The following PLEKHB2 variants were observed in gnomAD, a reference collection of about 807,000 sequenced individuals.
PLEKHB2 encodes the protein pleckstrin homology domain-containing family B member 2.
PLEKHB2 carries 31 observed loss-of-function variants against 36.5 expected under a neutral mutation model. That is an observed-to-expected ratio of 0.85 (90% CI 0.64 to 1.15). PLEKHB2 has a LOEUF of 1.15. Ranked by LOEUF, PLEKHB2 falls within the 50% of genes most tolerant of loss-of-function variation. The pLI is 0.00. For synonymous variants in PLEKHB2, 119 were observed against 112.0 expected (o/e 1.06, Z -0.39); for missense variants, 262 against 295.3 (o/e 0.89, Z 0.83).
chr2:131,121,081 A>G (rs1696466125), intron 2 of PLEKHB2, 103 bp downstream of exon 2: 2 of 1,072,186 alleles, frequency 1.9e-6, no homozygotes, highest in South Asian at 1.5e-5. Context: ...ACAAAGTTTT[A>G]TGAGTGCTAT....
In PLEKHB2 at chr2:131,125,803, G is replaced by A; in HGVS notation, c.88G>A (p.Gly30Ser). 2 of 1,613,366 alleles carry A rather than the reference G, an allele frequency of 1.2e-6. No individual in the cohort carries two copies. The highest frequency in any genetic ancestry group is 2.2e-5 in the South Asian group (2 of 91,050). ...GAACTGGTTTGATCTGTGGTCGGATGGTCACCTGATCTATTATGATGACCA... is the reference window on the plus strand; with the variant it reads ...GAACTGGTTTGATCTGTGGTCGGATAGTCACCTGATCTATTATGATGACCA... Reference protein sequence around the residue: ...KKNWFDLWSDGHLIYYDDQTR... With the variant: ...KKNWFDLWSDSHLIYYDDQTR... Residue 30 changes from glycine to serine, a missense_variant, in exon 3 of 8, where the codon GGT becomes AGT. Physicochemically the swap from Gly to Ser is moderately conservative, Grantham distance 56. Coordinates refer to ENST00000693505, the MANE Select transcript of PLEKHB2 (RefSeq NM_001100623.2).
chr2:131,124,487 AG>A (rs1185133972), intron 2 of PLEKHB2, among the ~76,000 whole-genome samples: 1 of 152,228 alleles, frequency 6.6e-6, no homozygotes, highest in African/African-American at 2.4e-5. Flanking sequence ...CATGCAGTCA[AG>A]GAAATTACTG....
chr2:131,108,457 A>G (rs1488833573), intron 1 of PLEKHB2, among the ~76,000 whole-genome samples: 1 of 152,138 alleles, frequency 6.6e-6, no homozygotes, highest in African/African-American at 2.4e-5. Context: ...AGTGGTGTGA[A>G]ATTCAGCATG....
intron 6 of PLEKHB2, among the ~76,000 whole-genome samples, chr2:131,137,167 TCG>T (rs1698349776): frequency 6.7e-6 from 1 of 149,122 alleles, no homozygotes; most frequent in African/African-American, 2.6e-5. Context: ...CAGGACGGTC[TCG>T]ATCTCCTGAC....
chr2:131,136,944 CTTTCTTTT>C (rs1573614405), intron 6 of PLEKHB2, among the ~76,000 whole-genome samples: 1 of 146,536 alleles, frequency 6.8e-6, no homozygotes, highest in African/African-American at 2.6e-5. Flanking sequence ...TCTTTCTTTT[CTTTCTTTT>C]TTTTTTTTTT....
chr2:131,134,540 A>C (rs1009130513), intron 6 of PLEKHB2, among the ~76,000 whole-genome samples: 9 of 152,112 alleles, frequency 5.9e-5, no homozygotes, highest in South Asian at 2.1e-4. Flanking sequence ...TGTTGAGTGT[A>C]TCTCTTTCTG....
intron 2 of PLEKHB2, among the ~76,000 whole-genome samples, chr2:131,123,678 C>T (rs1696759424): frequency 1.3e-5 from 2 of 151,522 alleles, no homozygotes; most frequent in African/African-American, 4.9e-5. Context: ...GTGTGCGCCA[C>T]CATGCCAGGC....
At chr2:131,119,258 A>C (rs1183419128) in intron 1 of PLEKHB2, among the ~76,000 whole-genome samples, 2 of 148,964 alleles carry the variant, frequency 1.3e-5, no homozygotes, top group Non-Finnish European at 3.0e-5. Context: ...TCCATCTCAC[A>C]AAAAAAAAAG....
chr2:131,105,514 C>G (rs2104741166), intron 1 of PLEKHB2, 116 bp downstream of exon 1: 1 of 153,576 alleles, frequency 6.5e-6, no homozygotes, highest in East Asian at 1.9e-4. Flanking sequence ...GACCCCGCAC[C>G]GCGCCACCTC....
rs921595114 is a variant in PLEKHB2, at chr2:131,133,406, A to G, written c.423+415A>G. ...CTCTTGTTGGGGTGCTGACTGAGCTAGTGGAACGTATGTAAGTCTGTTGTG... is the reference window on the plus strand; with the variant it reads ...CTCTTGTTGGGGTGCTGACTGAGCTGGTGGAACGTATGTAAGTCTGTTGTG... On this transcript the variant is annotated intron_variant, in intron 6 of 7. Transcript: ENST00000693505. Among the ~76,000 whole-genome samples, 4 of 152,372 alleles carry G rather than the reference A, an allele frequency of 2.6e-5. No individual in the cohort carries two copies. In the South Asian group the frequency reaches 8.3e-4, roughly 32 times the overall value.
intron 1 of PLEKHB2, chr2:131,120,613 A>G (rs1696404949): frequency 5.0e-6 from 2 of 399,210 alleles, no homozygotes; most frequent in Non-Finnish European, 9.4e-6. Flanking sequence ...CCAGCAAGCC[A>G]CGAGAATCCC....
At position 131,126,914 on chromosome 2, in the gene PLEKHB2, T is replaced by C. The variant is rs960052778; in HGVS notation, c.293+128T>C. ...ATCAGAATAAGGGACTCAGTGGATG[T>C]ATGAGAGAAATGCAAGAGTCGCTTT... On this transcript the variant is annotated intron_variant, in intron 4 of 7. Transcript: ENST00000693505. The C allele has an allele frequency of 6.4e-6, 4 of 621,038 alleles. 1 individual carries two copies. Among genetic ancestry groups the C allele is most frequent in the Middle Eastern group, 8.1e-4 (2 of 2,484 alleles). 38.5% of individuals were successfully genotyped at this position (621,038 alleles called of 1,614,324 possible). A position where few individuals can be genotyped will look rare whatever the true frequency, so the allele number is the denominator to read the frequency against.
In PLEKHB2 at chr2:131,126,687, C is replaced by CATCCA; in HGVS notation, c.194_195insATCCA (p.Gln66SerfsTer56). The CATCCA allele has an allele frequency of 6.3e-7, 1 of 1,590,244 alleles. No homozygotes were observed. Among genetic ancestry groups the CATCCA allele is most frequent in the Non-Finnish European group, 8.6e-7 (1 of 1,158,574 alleles). On this transcript the variant is annotated frameshift_variant, in exon 4 of 8. Transcript: ENST00000693505. LOFTEE classifies it high-confidence loss of function. ...TTATTCTGCTTATTTTTCATAGATACTCAGCCCCCGGATGGAAAGTCAAAA... is the reference window on the plus strand; with the variant it reads ...TTATTCTGCTTATTTTTCATAGATACATCCATCAGCCCCCGGATGGAAAGTCAAAA...
rs1381013982 is a variant in PLEKHB2 at position 131,137,438 on chromosome 2, A to G, written c.424-2729A>G. ...CCACCGCAGATACAGCTTTCTTATT[A>G]GTGACTGGTCTACTCAAATTCTCTA... On this transcript the variant is annotated intron_variant, in intron 6 of 7. Coordinates refer to ENST00000693505, the MANE Select transcript of PLEKHB2 (RefSeq NM_001100623.2). 2.6e-5 allele frequency among the ~76,000 whole-genome samples: 4 copies of G among 152,116 alleles called. No individual in the cohort carries two copies. The East Asian group carries it at 5.8e-4, about 22-fold the overall frequency.
At chr2:131,135,370 GC>G (rs1259134598) in intron 6 of PLEKHB2, among the ~76,000 whole-genome samples, 38 of 152,198 alleles carry the variant, frequency 2.5e-4, no homozygotes, top group Middle Eastern at 6.8e-3. Flanking sequence ...CCTGGTCGGC[GC>G]CTGTAAACTT....
At chr2:131,121,554 T>G (rs1559066846) in intron 2 of PLEKHB2, among the ~76,000 whole-genome samples, 2 of 152,068 alleles carry the variant, frequency 1.3e-5, no homozygotes, top group African/African-American at 2.4e-5. Flanking sequence ...GCTGCGTGCT[T>G]TATTATTAAT....
At chr2:131,130,408 T>C (rs558497016) in intron 4 of PLEKHB2, among the ~76,000 whole-genome samples, 111 of 152,276 alleles carry the variant, frequency 7.3e-4, no homozygotes, top group African/African-American at 2.7e-3. Flanking sequence ...CGTGGAATAT[T>C]ATATAGCTGG....
At chr2:131,127,364 T>G (rs1697202694) in intron 4 of PLEKHB2, among the ~76,000 whole-genome samples, 2 of 152,230 alleles carry the variant, frequency 1.3e-5, no homozygotes, top group African/African-American at 4.8e-5. Context: ...TCACATGGCC[T>G]TCTTCGGCTG....
rs746144503 is a variant in PLEKHB2, at chr2:131,146,780, C to CA, written c.*9dup. On this transcript the variant is annotated 3_prime_UTR_variant, in exon 8 of 8. Coordinates refer to ENST00000693505, the MANE Select transcript of PLEKHB2 (RefSeq NM_001100623.2). ...TCTATTTTGGGTCTTCTAGGGGCCTCAAGGTCTTGATGTGCATAGCTTCTG... is the reference window on the plus strand; with the variant it reads ...TCTATTTTGGGTCTTCTAGGGGCCTCAAAGGTCTTGATGTGCATAGCTTCTG... The CA allele has an allele frequency of 3.1e-6, 5 of 1,596,380 alleles. No homozygotes were observed. In the Admixed American group the frequency reaches 8.8e-5, roughly 28 times the overall value.
Sources: gnomAD v4.1 joint callset for allele counts (sites outside exome capture counted in the v4.1 genomes callset) on GRCh38, gnomAD v4.1.1 for gene constraint, MANE v1.5 for transcripts, NCBI Gene and HGNC (gene_info 2026-07-23, HGNC 2026-07-21) for gene names.